The following BRD1 variants were observed in gnomAD, a reference collection of about 807,000 sequenced individuals.
BRD1 encodes the protein bromodomain-containing protein 1.
In BRD1, 24 loss-of-function variants were observed where a neutral mutation model predicts 107.7. That is an observed-to-expected ratio of 0.22 (90% CI 0.16 to 0.31). BRD1 has a LOEUF of 0.31. Among genes scored for constraint, BRD1 ranks in the 10% least tolerant of loss-of-function variants. BRD1 has a pLI of 1.00. For synonymous variants in BRD1, 744 were observed against 686.1 expected (o/e 1.08, Z -1.32); for missense variants, 1,279 against 1,638.6 (o/e 0.78, Z 3.79).
intron 2 of BRD1, among the ~76,000 whole-genome samples, chr22:49,808,004 T>C (rs979829820): frequency 6.6e-6 from 1 of 150,890 alleles, no homozygotes; most frequent in Admixed American, 6.6e-5. Context: ...TTAGAATGGC[T>C]ATCAAAAAAT....
intron 7 of BRD1, among the ~76,000 whole-genome samples, chr22:49,789,750 G>A (rs1049601616): frequency 6.6e-6 from 1 of 152,172 alleles, no homozygotes; most frequent in Non-Finnish European, 1.5e-5. Context: ...CCTGCTTCTG[G>A]TGCAACCCTC....
At chr22:49,809,073 C>G (rs1393848641) in intron 2 of BRD1, among the ~76,000 whole-genome samples, 1 of 151,180 alleles carries the variant, frequency 6.6e-6, no homozygotes, top group Non-Finnish European at 1.5e-5. Flanking sequence ...GAGCCGAGAT[C>G]ACACCACTGC....
At chr22:49,788,342 T>C (rs891903010) in intron 7 of BRD1, among the ~76,000 whole-genome samples, 4 of 152,096 alleles carry the variant, frequency 2.6e-5, no homozygotes, top group African/African-American at 9.7e-5. Context: ...GGTCAAGGTC[T>C]TAAGTCAAAA....
Position 49,827,789 on chromosome 22 carries a change from C to T in BRD1, c.-307G>A, listed in dbSNP as rs1428827958. On this transcript the variant is annotated 5_prime_UTR_variant, in exon 1 of 13. Coordinates refer to ENST00000404760, the MANE Select transcript of BRD1 (RefSeq NM_001304808.3). ...GCGCGGGCGCGGGCGCGGGAGCGGG[C>T]GGCGGGCGGCGGGCGCGGGACGCGG... is the stretch of plus-strand genomic sequence containing the variant. 7.0e-6 allele frequency among the ~76,000 whole-genome samples: 1 copy of T among 143,338 alleles called. No individual in the cohort carries two copies. Among genetic ancestry groups the T allele is most frequent in the East Asian group, 2.1e-4 (1 of 4,830 alleles). The allele number at this position is 143,338 out of a possible 152,430, so 94.0% of individuals were successfully genotyped here.
intron 8 of BRD1, among the ~76,000 whole-genome samples, chr22:49,787,175 G>A (rs867002618): frequency 1.3e-5 from 2 of 152,180 alleles, no homozygotes; most frequent in African/African-American, 4.8e-5. Flanking sequence ...ACAATCTCTC[G>A]TGGCAAACAG....
At chr22:49,827,152 C>T (rs1282068504) in intron 1 of BRD1, among the ~76,000 whole-genome samples, 2 of 151,376 alleles carry the variant, frequency 1.3e-5, no homozygotes, top group African/African-American at 2.4e-5. Context: ...CCGACTCGAG[C>T]GCGGACTCCG....
intron 2 of BRD1, among the ~76,000 whole-genome samples, chr22:49,814,472 C>A (rs1463210096): frequency 2.0e-5 from 3 of 152,208 alleles, no homozygotes; most frequent in African/African-American, 7.2e-5. Context: ...TGCCCATCGC[C>A]AGGGGACACC....
At chr22:49,788,085 G>A (rs570837057) in intron 7 of BRD1, among the ~76,000 whole-genome samples, 198 bp from the exon 8 acceptor site, 30 of 152,304 alleles carry the variant, frequency 2.0e-4, no homozygotes, top group Middle Eastern at 3.4e-3. Context: ...CAAAGGCTGC[G>A]GCCCTGGGTG....
chr22:49,785,064 C>T (rs1409482036), intron 8 of BRD1, among the ~76,000 whole-genome samples: 2 of 152,250 alleles, frequency 1.3e-5, no homozygotes, highest in Non-Finnish European at 2.9e-5. Flanking sequence ...GACTGCTCTA[C>T]ACCACCGTCA....
chr22:49,787,520 T>C lies in BRD1; in HGVS notation c.2727A>G (p.Leu909=). 1.9e-6 allele frequency: 3 copies of C among 1,612,982 alleles called. No homozygotes were observed. The highest frequency in any genetic ancestry group is 2.5e-6 in the Non-Finnish European group (3 of 1,179,464). The part of the protein sequence containing the change: ...NTETQPTSPQ[L]GTKTFLSVVL... ...CTACAGACAAAAAGGTTTTGGTCCCTAGCTGAGGAGAAGTTGGCTGGGTTT... is the reference window on the plus strand; with the variant it reads ...CTACAGACAAAAAGGTTTTGGTCCCCAGCTGAGGAGAAGTTGGCTGGGTTT... The change falls in exon 8 of 13, where the codon CTA becomes CTG. Residue 909 remains leucine (L), a synonymous_variant. Coordinates refer to ENST00000404760, the MANE Select transcript of BRD1 (RefSeq NM_001304808.3).
At position 49,773,504 on chromosome 22, in the gene BRD1, A is replaced by C. The variant is rs1333557346; in HGVS notation, c.*729T>G. 6.6e-6 allele frequency: 1 copy of C among 152,652 alleles called. No homozygotes were observed. Among genetic ancestry groups the C allele is most frequent in the African/African-American group, 2.4e-5 (1 of 41,480 alleles). 9.5% of individuals were successfully genotyped at this position (152,652 alleles called of 1,614,324 possible). A position where few individuals can be genotyped will look rare whatever the true frequency, so the allele number is the denominator to read the frequency against. ...CCCTCATTGTAAACAAAAGATTACA[A>C]GTTATAAAATCAAAGTACACACAGG... On this transcript the variant is annotated 3_prime_UTR_variant, in exon 13 of 13. Coordinates refer to ENST00000404760, the MANE Select transcript of BRD1 (RefSeq NM_001304808.3).
intron 8 of BRD1, among the ~76,000 whole-genome samples, chr22:49,782,566 G>T (rs1163688341): frequency 2.1e-5 from 3 of 145,548 alleles, no homozygotes; most frequent in Admixed American, 2.0e-4. Flanking sequence ...CCATCGTGCT[G>T]GGACTCGCTC....
chr22:49,826,079 GACCCTAGTGC>G (rs1801001840), intron 1 of BRD1: 2 of 774,032 alleles, frequency 2.6e-6, no homozygotes, highest in Non-Finnish European at 3.1e-6. Flanking sequence ...TGCAGAGAGC[GACCCTAGTGC>G]ACCCGGGACG....
At chr22:49,776,964 C>T (rs1487782431) in intron 10 of BRD1, 70 bp downstream of exon 10, 1 of 1,596,390 alleles carries the variant, frequency 6.3e-7, no homozygotes, top group Non-Finnish European at 8.5e-7. Flanking sequence ...AGTCCAGTCC[C>T]CAGCAGTCGA....
chr22:49,822,189 G>A (rs2060080499), intron 2 of BRD1, among the ~76,000 whole-genome samples: 1 of 152,114 alleles, frequency 6.6e-6, no homozygotes, highest in East Asian at 1.9e-4. Context: ...ACTTTGGGAT[G>A]CAGAGGCAGG....
intron 2 of BRD1, among the ~76,000 whole-genome samples, chr22:49,812,510 G>A (rs2059868888): frequency 6.6e-6 from 1 of 152,158 alleles, no homozygotes; most frequent in Admixed American, 6.5e-5. Context: ...GGTGGAGGCT[G>A]CAGTGAACTG....
intron 2 of BRD1, among the ~76,000 whole-genome samples, chr22:49,811,261 A>G (rs1041184471): frequency 6.6e-6 from 1 of 152,164 alleles, no homozygotes; most frequent in Non-Finnish European, 1.5e-5. Context: ...GAAGGTGGGA[A>G]GTTGGGGTAA....
intron 8 of BRD1, among the ~76,000 whole-genome samples, chr22:49,778,953 A>G (rs2059153014): frequency 6.6e-6 from 1 of 152,084 alleles, no homozygotes; most frequent in Non-Finnish European, 1.5e-5. Flanking sequence ...GAGCCATGAC[A>G]CCCGGCCATG....
rs983061512 is a variant in BRD1, at chr22:49,818,199, G to C, written c.1367+4752C>G. On this transcript the variant is annotated intron_variant, in intron 2 of 12. Coordinates refer to ENST00000404760, the MANE Select transcript of BRD1 (RefSeq NM_001304808.3). ...AACCTCATTCGAATGAAGGTAGGAG[G>C]AGCACCCATCACAAAGCCTTGCCTA... 3 of 1,118,764 alleles carry C rather than the reference G, an allele frequency of 2.7e-6. No individual in the cohort carries two copies. The African/African-American group carries it at 4.9e-5, about 18-fold the overall frequency. The allele number at this position is 1,118,764 out of a possible 1,614,324, so 69.3% of individuals were successfully genotyped here. A position where few individuals can be genotyped will look rare whatever the true frequency, so the allele number is the denominator to read the frequency against.
Sources: gnomAD v4.1 joint callset for allele counts (sites outside exome capture counted in the v4.1 genomes callset) on GRCh38, gnomAD v4.1.1 for gene constraint, MANE v1.5 for transcripts, NCBI Gene and HGNC (gene_info 2026-07-23, HGNC 2026-07-21) for gene names.